The following PKD1L3 variants were observed in gnomAD, a reference collection of about 807,000 sequenced individuals.
PKD1L3 encodes polycystin 1 like 3, transient receptor potential channel interacting.
In PKD1L3, 239 loss-of-function variants were observed where a neutral mutation model predicts 184.1. The observed-to-expected ratio is 1.30, with a 90% CI of 1.17 to 1.45. PKD1L3 has a LOEUF of 1.45. Among genes scored for constraint, PKD1L3 ranks in the 40% most tolerant of loss-of-function variants. The pLI is 0.00. For missense variants in PKD1L3, 2,660 were observed against 2,067.2 expected, an observed-to-expected ratio of 1.29 and a Z score of -5.56; for synonymous variants, 996 against 778.8, an observed-to-expected ratio of 1.28 and a Z score of -4.64.
intron 21 of PKD1L3, 56 bp downstream of exon 21, chr16:71,949,727 G>A (rs1397542050): frequency 1.4e-6 from 2 of 1,438,332 alleles, no homozygotes; most frequent in African/African-American, 1.4e-5. Context: ...GACACCCAGG[G>A]ACCTCAGTTC....
chr16:71,977,141 A>G (rs3929023), intron 11 of PKD1L3, 95 bp downstream of exon 11: 699,304 of 930,370 alleles, frequency 0.75, 264,888 homozygotes, highest in South Asian at 0.85. Context: ...TGAGCCTGAC[A>G]GTTTGAGGCT....
chr16:71,944,248 T>G, intron 22 of PKD1L3, 78 bp from the exon 23 acceptor site: 8 of 1,275,150 alleles, frequency 6.3e-6, no homozygotes, highest in Non-Finnish European at 7.7e-6. Context: ...GAGCATCTAC[T>G]GTGAGCACCT....
intron 4 of PKD1L3, among the ~76,000 whole-genome samples, chr16:71,987,454 G>A (rs1259604699): frequency 6.6e-6 from 1 of 151,976 alleles, no homozygotes; most frequent in Admixed American, 6.6e-5. Flanking sequence ...GCTCACTGCA[G>A]CCTCCTCTTC....
intron 5 of PKD1L3, among the ~76,000 whole-genome samples, chr16:71,985,719 A>G (rs1411266165): frequency 6.6e-6 from 1 of 152,176 alleles, no homozygotes; most frequent in Non-Finnish European, 1.5e-5. Flanking sequence ...GGCGTGAGCC[A>G]CTGTGCCTGG....
At chr16:71,979,451 C>T (rs2040063276) in intron 9 of PKD1L3, among the ~76,000 whole-genome samples, 1 of 148,632 alleles carries the variant, frequency 6.7e-6, no homozygotes, top group South Asian at 2.1e-4. Context: ...CTCAACAAAA[C>T]AAAACAAAAC....
intron 12 of PKD1L3, among the ~76,000 whole-genome samples, chr16:71,971,273 GT>G (rs551547403): frequency 1.3e-5 from 2 of 152,134 alleles, no homozygotes; most frequent in Non-Finnish European, 2.9e-5. Flanking sequence ...TGCATTCAAT[GT>G]TTTTTATTAT....
At chr16:71,983,715 G>T (rs2040252184) in intron 6 of PKD1L3, among the ~76,000 whole-genome samples, 1 of 131,392 alleles carries the variant, frequency 7.6e-6, no homozygotes, top group Admixed American at 8.9e-5. Flanking sequence ...CACCCAGGCT[G>T]GAGTGGAGTG....
intron 9 of PKD1L3, among the ~76,000 whole-genome samples, chr16:71,978,929 T>C (rs1261394820): frequency 6.6e-6 from 1 of 152,128 alleles, no homozygotes; most frequent in Admixed American, 6.6e-5. Context: ...TGAGAAACAG[T>C]AAATTAAAGA....
intron 16 of PKD1L3, among the ~76,000 whole-genome samples, chr16:71,958,116 G>A (rs1019926817): frequency 1.3e-5 from 2 of 151,864 alleles, no homozygotes; most frequent in East Asian, 2.0e-4. Context: ...GGCCGGGCGC[G>A]GTGGCTCACG....
chr16:71,929,662 A>G lies in PKD1L3; in HGVS notation c.5075T>C (p.Ile1692Thr), dbSNP rs1369570153. ...TGAGAGCTTCTGTAGCAGTGTATCTATTAGTGCAGCTTCTTTCTGAGTATT... is the reference window on the plus strand; with the variant it reads ...TGAGAGCTTCTGTAGCAGTGTATCTGTTAGTGCAGCTTCTTTCTGAGTATT... ...RKSLKKEAAL[I>T]DTLLQKLSNL... The change falls in exon 30 of 30, where the codon ATA becomes ACA. Residue 1692 changes from isoleucine (I) to threonine (T), a missense_variant. Ile to Thr is a moderately conservative substitution (Grantham distance 89, BLOSUM62 -1). Coordinates refer to ENST00000620267, the MANE Select transcript of PKD1L3 (RefSeq NM_181536.2). 1.2e-5 allele frequency: 19 copies of G among 1,549,626 alleles called. No homozygotes were observed. The highest frequency in any genetic ancestry group is 1.7e-4 in the Middle Eastern group (1 of 6,010).
Position 71,983,612 on chromosome 16 carries a change from A to G in PKD1L3, c.966+424T>C, listed in dbSNP as rs562748671. On this transcript the variant is annotated intron_variant, in intron 6 of 29. Coordinates refer to ENST00000620267, the MANE Select transcript of PKD1L3 (RefSeq NM_181536.2). ...AATATGCTTGCTAAAATTTAAATAC[A>G]GTCTTTATAATGCTAAGCTTGGCAT... Among the ~76,000 whole-genome samples, 84 of 149,020 alleles carry G rather than the reference A, an allele frequency of 5.6e-4. 1 individual carries two copies. The highest frequency in any genetic ancestry group is 1.0e-3 in the Non-Finnish European group (69 of 67,528).
chr16:71,934,126 C>T lies in PKD1L3; in HGVS notation c.4614-1G>A, dbSNP rs1326298934. 6.4e-7 allele frequency: 1 copy of T among 1,551,674 alleles called. No individual in the cohort carries two copies. The highest frequency in any genetic ancestry group is 1.4e-5 in the African/African-American group (1 of 73,038). On this transcript the variant is annotated splice_acceptor_variant, in intron 26 of 29. Coordinates refer to ENST00000620267, the MANE Select transcript of PKD1L3 (RefSeq NM_181536.2). LOFTEE classifies it high-confidence loss of function. ...TACTGCCTCATAGAAGCTGATGAAT[C>T]TGCACCAAGGAAAGCTGACAGTTAC...
At chr16:71,995,898 C>A (rs62055599) in intron 2 of PKD1L3, among the ~76,000 whole-genome samples, 1 of 152,036 alleles carries the variant, frequency 6.6e-6, no homozygotes, top group African/African-American at 2.4e-5. Context: ...TATGGCCTTG[C>A]CAACGGAAAG....
At chr16:71,995,650 G>A (rs1013796100) in intron 2 of PKD1L3, among the ~76,000 whole-genome samples, 1 of 152,206 alleles carries the variant, frequency 6.6e-6, no homozygotes, top group Non-Finnish European at 1.5e-5. Context: ...TGATGGGCAT[G>A]TGGATTATTC....
At chr16:71,955,695 A>G (rs1196837419) in intron 16 of PKD1L3, among the ~76,000 whole-genome samples, 1 of 151,892 alleles carries the variant, frequency 6.6e-6, no homozygotes, top group Non-Finnish European at 1.5e-5. Context: ...AGTTTCCACA[A>G]TCCTCTCCTC....
rs1255340065 is a variant in PKD1L3 at position 71,951,589 on chromosome 16, C to T, written c.3165G>A (p.Gln1055=). ...SSHLEGQGCH[Q]QGERHWARVV... is the part of the protein sequence containing the mutation. ...CACGTGCCCAGTGGCGCTCTCCCTG[C>T]TGATGACAGCCTTGACCCTCCAAGT... The change falls in exon 19 of 30, where the codon CAG becomes CAA. Residue 1055 remains glutamine, a synonymous_variant. Coordinates refer to ENST00000620267, the MANE Select transcript of PKD1L3 (RefSeq NM_181536.2). The T allele has an allele frequency of 1.3e-6, 2 of 1,551,300 alleles. No individual in the cohort carries two copies. Among genetic ancestry groups the T allele is most frequent in the Admixed American group, 3.9e-5 (2 of 50,856 alleles).
chr16:71,986,494 A>T, intron 4 of PKD1L3, 25 bp from the exon 5 acceptor site: 1 of 1,538,102 alleles, frequency 6.5e-7, no homozygotes, highest in Non-Finnish European at 8.8e-7. Flanking sequence ...TATGTAAAGG[A>T]AAAGACTGAA....
chr16:71,947,377 A>T, intron 22 of PKD1L3, 115 bp downstream of exon 22: 1 of 673,126 alleles, frequency 1.5e-6, no homozygotes, highest in Non-Finnish European at 2.6e-6. Context: ...AAGGAGAAAT[A>T]ACCAGTTGGT....
chr16:71,986,913 G>GGTTTTTT (rs1719064036), intron 4 of PKD1L3, among the ~76,000 whole-genome samples: 1 of 105,674 alleles, frequency 9.5e-6, no homozygotes, highest in African/African-American at 6.1e-5. Flanking sequence ...GTAAGGAGAG[G>GGTTTTTT]ATTTTTTTTT....
Sources: gnomAD v4.1 joint callset for allele counts (sites outside exome capture counted in the v4.1 genomes callset) on GRCh38, gnomAD v4.1.1 for gene constraint, MANE v1.5 for transcripts, NCBI Gene and HGNC (gene_info 2026-07-23, HGNC 2026-07-21) for gene names.